PIWIL3: variants seen among roughly 807,000 people sequenced by gnomAD.
PIWIL3 encodes piwi like RNA-mediated gene silencing 3.
In PIWIL3, 101 loss-of-function variants were observed where a neutral mutation model predicts 109.7. That is an observed-to-expected ratio of 0.92 (90% CI 0.78 to 1.09). The LOEUF (loss-of-function observed/expected upper bound fraction) is 1.09, where lower values mean the gene tolerates loss of function less well. PIWIL3 is among the 50% of genes least tolerant of loss of function. The pLI is 0.00. For missense variants in PIWIL3, 1,031 were observed against 1,072.6 expected (o/e 0.96, Z 0.54); for synonymous variants, 373 against 376.4 (o/e 0.99, Z 0.10).
chr22:24,720,257 C>CTTTTTTTTT (rs1922584555), intron 19 of PIWIL3, among the ~76,000 whole-genome samples: 2 of 79,626 alleles, frequency 2.5e-5, no homozygotes, highest in African/African-American at 1.3e-4. Context: ...TATATTTAAA[C>CTTTTTTTTT]TGTTTTTTTT....
At chr22:24,751,285 T>G in intron 9 of PIWIL3, 102 bp downstream of exon 9, 1 of 1,213,806 alleles carries the variant, frequency 8.2e-7, no homozygotes, top group Non-Finnish European at 1.1e-6. Flanking sequence ...AAGGAAAATA[T>G]GTATGTTTAT....
chr22:24,725,763 T>C (rs141275021), intron 16 of PIWIL3, among the ~76,000 whole-genome samples: 30 of 152,310 alleles, frequency 2.0e-4, no homozygotes, highest in African/African-American at 6.5e-4. Flanking sequence ...TAATCATGCT[T>C]TATTGTACAA....
At position 24,756,526 on chromosome 22, in the gene PIWIL3, T is replaced by C; in HGVS notation, c.535A>G (p.Asn179Asp). Residue 179 changes from asparagine (N) to aspartate (D), a missense_variant, in exon 5 of 21, where the codon AAC (asparagine) becomes GAC (aspartate). Transcript: ENST00000616349. ...KFGERHIFDG[N>D]SLLLSRPLKE... ...AGTGGCCGAGATAATAATAAAGAGT[T>C]TCCATCAAATATATGGCGCTCTCCA... is the stretch of plus-strand genomic sequence containing the variant. The C allele has an allele frequency of 6.2e-7, 1 of 1,614,104 alleles. No homozygotes were observed. Among genetic ancestry groups the C allele is most frequent in the Non-Finnish European group, 8.5e-7 (1 of 1,179,970 alleles).
Position 24,749,826 on chromosome 22 carries a change from A to C in PIWIL3, c.1090-7T>G. 1 of 1,613,616 alleles carries C rather than the reference A, an allele frequency of 6.2e-7. No homozygotes were observed. Among genetic ancestry groups the C allele is most frequent in the South Asian group, 1.1e-5 (1 of 91,072 alleles). On this transcript the variant is annotated splice_region_variant and splice_polypyrimidine_tract_variant and intron_variant, in intron 9 of 20. Transcript: ENST00000616349. ...TGACAATTTCTTTATGTTGCTGCTC[A>C]ACAAACAAGAGACCAGCATGACCAT...
At chr22:24,741,577 G>A (rs1483189444) in intron 12 of PIWIL3, among the ~76,000 whole-genome samples, 1 of 152,124 alleles carries the variant, frequency 6.6e-6, no homozygotes, top group African/African-American at 2.4e-5. Context: ...AATCGGCATA[G>A]AAGGGACATA....
At chr22:24,771,804 G>T (rs1424772946) in intron 1 of PIWIL3, among the ~76,000 whole-genome samples, 1 of 151,704 alleles carries the variant, frequency 6.6e-6, no homozygotes, top group Non-Finnish European at 1.5e-5. Flanking sequence ...CATGATTTTG[G>T]CTCACTGCAA....
rs1924180538 is a variant in PIWIL3 at position 24,744,178 on chromosome 22, T to TTAAAAAAAAAAAAAAAAA, written c.1449+4728_1449+4729insTTTTTTTTTTTTTTTTTA. On this transcript the variant is annotated intron_variant, in intron 12 of 20. Transcript: ENST00000616349. ...ACTCTAATTGAAAGAGTGACCGAAT[T>TTAAAAAAAAAAAAAAAAA]AAAAAAAAAAAAAAAAAAAAAAAAA... Among the ~76,000 whole-genome samples the TTAAAAAAAAAAAAAAAAA allele has an allele frequency of 9.8e-3, 335 of 34,322 alleles. 109 individuals carry two copies. Among genetic ancestry groups the TTAAAAAAAAAAAAAAAAA allele is most frequent in the Non-Finnish European group, 0.013 (222 of 17,636 alleles). The allele number at this position is 34,322 out of a possible 152,430, so 22.5% of individuals were successfully genotyped here.
At chr22:24,739,262 TAAAG>T (rs936781020) in intron 12 of PIWIL3, among the ~76,000 whole-genome samples, 6 of 152,010 alleles carry the variant, frequency 3.9e-5, no homozygotes, top group Non-Finnish European at 7.4e-5. Flanking sequence ...ATAGACAAGG[TAAAG>T]AAAGAGATAA....
chr22:24,756,512 T>C lies in PIWIL3; in HGVS notation c.549A>G (p.Leu183=). Residue 183 remains leucine, a synonymous_variant, in exon 5 of 21, where the codon TTA becomes TTG. Transcript: ENST00000616349. ...RHIFDGNSLL[L]SRPLKERRVE... Reference sequence around the variant, plus strand: ...TAACCCGCTCTTTTAGTGGCCGAGATAATAATAAAGAGTTTCCATCAAATA... The same window carrying C: ...TAACCCGCTCTTTTAGTGGCCGAGACAATAATAAAGAGTTTCCATCAAATA... 6.2e-7 allele frequency: 1 copy of C among 1,613,836 alleles called. No homozygotes were observed. Among genetic ancestry groups the C allele is most frequent in the Non-Finnish European group, 8.5e-7 (1 of 1,179,842 alleles).
chr22:24,750,482 A>ATTTTTTTTTTTTTTTTTTTTTTTTTT lies in PIWIL3; in HGVS notation c.1090-664_1090-663insAAAAAAAAAAAAAAAAAAAAAAAAAA. Among the ~76,000 whole-genome samples the ATTTTTTTTTTTTTTTTTTTTTTTTTT allele has an allele frequency of 1.7e-5, 2 of 114,296 alleles. 1 individual carries two copies. The highest frequency in any genetic ancestry group is 3.6e-5 in the Non-Finnish European group (2 of 56,248). 75.0% of individuals were successfully genotyped at this position (114,296 alleles called of 152,430 possible). On this transcript the variant is annotated intron_variant, in intron 9 of 20. Transcript: ENST00000616349. ...CTTATCTGAAGTCTTACCACATTTGATTTTTTTTCTTTTTTTTTTTTTTGA... is the reference window on the plus strand; with the variant it reads ...CTTATCTGAAGTCTTACCACATTTGATTTTTTTTTTTTTTTTTTTTTTTTTTTTTTTTTTCTTTTTTTTTTTTTTGA...
rs1298063070 is a variant in PIWIL3 at position 24,725,032 on chromosome 22, G to A, written c.2086C>T (p.Leu696=). Residue 696 remains leucine, a synonymous_variant, in exon 18 of 21, where the codon CTG becomes TTG. Coordinates refer to ENST00000616349, the MANE Select transcript of PIWIL3 (RefSeq NM_001255975.1). ...KELEICLKAA[L]DVWCKNESSM... ...GATTCGTTTTTACACCAGACATCCA[G>A]GGCAGCTAAGAGGAAATCAGAAAAA... The A allele has an allele frequency of 6.2e-7, 1 of 1,614,058 alleles. No homozygotes were observed. Among genetic ancestry groups the A allele is most frequent in the Admixed American group, 1.7e-5 (1 of 60,002 alleles).
At position 24,723,127 on chromosome 22, in the gene PIWIL3, T is replaced by C. The variant is rs1922773056; in HGVS notation, c.2357+3A>G. The C allele has an allele frequency of 6.2e-6, 10 of 1,613,034 alleles. No homozygotes were observed. The East Asian group carries it at 2.0e-4, about 32-fold the overall frequency. ...CCATGTGCAAAAAATACAGGTGGCT[T>C]ACCATTCATTCCTAGTCAACTCTAC... On this transcript the variant is annotated splice_donor_region_variant and intron_variant, in intron 19 of 20. Coordinates refer to ENST00000616349, the MANE Select transcript of PIWIL3 (RefSeq NM_001255975.1).
At chr22:24,770,205 C>T (rs1225044470) in intron 1 of PIWIL3, among the ~76,000 whole-genome samples, 2 of 152,138 alleles carry the variant, frequency 1.3e-5, no homozygotes, top group African/African-American at 4.8e-5. Flanking sequence ...GGTCACACAG[C>T]TAGCAAGTAT....
rs369653612 is a variant in PIWIL3, at chr22:24,748,908, A to G, written c.1448T>C (p.Met483Thr). Residue 483 changes from methionine (M) to threonine (T), a missense_variant and splice_region_variant, in exon 12 of 21, where the codon ATG (methionine) becomes ACG (threonine). Coordinates refer to ENST00000616349, the MANE Select transcript of PIWIL3 (RefSeq NM_001255975.1). ...ATGATGATTTTGAAACTGTCTTACC[A>G]TTCTTCTGCCTTGCACGATGTTTGC... ...KNANIVQGRR[M>T]VKANSQGDWS... 8.7e-6 allele frequency: 14 copies of G among 1,604,894 alleles called. No homozygotes were observed. In the East Asian group the frequency reaches 1.1e-4, roughly 13 times the overall value.
chr22:24,771,807 C>T (rs1258794206), intron 1 of PIWIL3, among the ~76,000 whole-genome samples: 1 of 151,662 alleles, frequency 6.6e-6, no homozygotes, highest in Non-Finnish European at 1.5e-5. Flanking sequence ...GATTTTGGCT[C>T]ACTGCAACCT....
In PIWIL3 at chr22:24,723,223, C is replaced by T. The variant is rs149968553; in HGVS notation, c.2264G>A (p.Arg755Gln). 2.5e-5 allele frequency: 41 copies of T among 1,610,406 alleles called. No homozygotes were observed. The highest frequency in any genetic ancestry group is 3.1e-5 in the Non-Finnish European group (36 of 1,177,354). The change falls in exon 19 of 21, where the codon CGA becomes CAA. Residue 755 changes from arginine (R) to glutamine (Q), a missense_variant. Coordinates refer to ENST00000616349, the MANE Select transcript of PIWIL3 (RefSeq NM_001255975.1). ...FTLAFIVVKK[R>Q]INTRFFLKHG... is the part of the protein sequence containing the mutation. ...TTTAAGAAAAAATCTAGTGTTTATT[C>T]GTTTCTTCACCACAATGAAAGCTAG...
chr22:24,738,150 A>G (rs1319016089), intron 12 of PIWIL3, among the ~76,000 whole-genome samples: 1 of 152,166 alleles, frequency 6.6e-6, no homozygotes, highest in Non-Finnish European at 1.5e-5. Context: ...GACTGTCTCA[A>G]AAAAAGAAAG....
chr22:24,762,225 G>A (rs1456995860), intron 2 of PIWIL3, 173 bp downstream of exon 2: 1 of 1,189,962 alleles, frequency 8.4e-7, no homozygotes, highest in Non-Finnish European at 1.1e-6. Flanking sequence ...GTACATCTGA[G>A]TAGATAAAGC....
intron 14 of PIWIL3, among the ~76,000 whole-genome samples, 166 bp downstream of exon 14, chr22:24,733,918 C>T (rs1286753440): frequency 6.6e-6 from 1 of 152,152 alleles, no homozygotes; most frequent in Non-Finnish European, 1.5e-5. Flanking sequence ...TTGTGATACT[C>T]AGGAATAGCT....
Sources: gnomAD v4.1 joint callset for allele counts (sites outside exome capture counted in the v4.1 genomes callset) on GRCh38, gnomAD v4.1.1 for gene constraint, MANE v1.5 for transcripts, NCBI Gene and HGNC (gene_info 2026-07-23, HGNC 2026-07-21) for gene names.